The following THEMIS variants were observed in gnomAD, a reference collection of about 807,000 sequenced individuals.
THEMIS encodes the protein protein THEMIS.
A neutral mutation model predicts 52.6 loss-of-function variants in THEMIS; 37 were observed. The observed-to-expected ratio is 0.70, with a 90% confidence interval of 0.54 to 0.93. THEMIS has a LOEUF of 0.93. THEMIS is among the 40% of genes least tolerant of loss of function. THEMIS has a pLI of 0.00. For missense variants in THEMIS, 808 were observed against 763.1 expected, an observed-to-expected ratio of 1.06 and a Z score of -0.69; for synonymous variants, 292 against 272.7, an observed-to-expected ratio of 1.07 and a Z score of -0.70.
downstream of THEMIS, among the ~76,000 whole-genome samples, chr6:127,707,473 A>G (rs2114438839): frequency 6.6e-6 from 1 of 152,310 alleles, no homozygotes; most frequent in East Asian, 1.9e-4. Flanking sequence ...ATTGATAGGT[A>G]GCAAGGGCAG....
chr6:127,787,560 G>A (rs759232672), intron 4 of THEMIS, among the ~76,000 whole-genome samples: 17 of 152,278 alleles, frequency 1.1e-4, no homozygotes, highest in Non-Finnish European at 2.2e-4. Context: ...CTGAAAGTAT[G>A]TGTGTGTAAA....
At chr6:127,727,652 A>G (rs947997763) in intron 4 of THEMIS, among the ~76,000 whole-genome samples, 1 of 152,210 alleles carries the variant, frequency 6.6e-6, no homozygotes, top group African/African-American at 2.4e-5. Context: ...CTGTATTATT[A>G]TTTGAGCTAG....
Position 127,855,061 on chromosome 6 carries a change from T to C in THEMIS, c.219A>G (p.Leu73=), listed in dbSNP as rs1343672609. ...AATTCATAGGCAGTTCAAATGGCTGTAGAGACTCACAACCTTCAATCTGCT... is the reference window on the plus strand; with the variant it reads ...AATTCATAGGCAGTTCAAATGGCTGCAGAGACTCACAACCTTCAATCTGCT... The part of the protein sequence containing the change: ...ICEQIEGCES[L]QPFELPMNFP... The change falls in exon 2 of 6, where the codon CTA becomes CTG. Residue 73 remains leucine (L), a synonymous_variant. Transcript: ENST00000368248. 6.2e-7 allele frequency: 1 copy of C among 1,610,464 alleles called. No homozygotes were observed.
chr6:127,718,263 T>C (rs987442363), intron 5 of THEMIS, among the ~76,000 whole-genome samples: 8 of 151,896 alleles, frequency 5.3e-5, no homozygotes, highest in African/African-American at 1.9e-4. Context: ...TAAATGCATG[T>C]TAAAATCAAA....
intron 2 of THEMIS, among the ~76,000 whole-genome samples, chr6:127,838,409 T>C (rs1382253211): frequency 2.0e-5 from 3 of 152,106 alleles, no homozygotes; most frequent in Non-Finnish European, 2.9e-5. Flanking sequence ...TTCCTATTAG[T>C]GTTCTACTAG....
At chr6:127,723,427 C>G (rs543944404) in intron 4 of THEMIS, among the ~76,000 whole-genome samples, 2 of 152,044 alleles carry the variant, frequency 1.3e-5, no homozygotes, top group East Asian at 3.9e-4. Flanking sequence ...CCAAACATTG[C>G]GTGTCAAGAG....
At chr6:127,874,682 A>G (rs1394065682) in intron 1 of THEMIS, among the ~76,000 whole-genome samples, 1 of 152,242 alleles carries the variant, frequency 6.6e-6, no homozygotes, top group Admixed American at 6.5e-5. Context: ...ACACACAAAT[A>G]TTGACTCAAA....
At chr6:127,767,541 T>C (rs1039302627) in intron 4 of THEMIS, among the ~76,000 whole-genome samples, 9 of 152,202 alleles carry the variant, frequency 5.9e-5, no homozygotes, top group African/African-American at 2.2e-4. Context: ...ATCACTGTCT[T>C]CGACCTCCAC....
chr6:127,729,724 G>A (rs1774692017), intron 4 of THEMIS, among the ~76,000 whole-genome samples: 1 of 152,090 alleles, frequency 6.6e-6, no homozygotes, highest in South Asian at 2.1e-4. Context: ...TTTAACAAGA[G>A]CAATCCGCTT....
At chr6:127,895,797 G>A (rs1297466423) in intron 1 of THEMIS, among the ~76,000 whole-genome samples, 1 of 151,258 alleles carries the variant, frequency 6.6e-6, no homozygotes, top group African/African-American at 2.4e-5. Flanking sequence ...ATTTAAATAA[G>A]CGATAACACC....
Position 127,813,131 on chromosome 6 carries a change from T to C in THEMIS, c.1510A>G (p.Ile504Val), listed in dbSNP as rs766814190. 1 of 1,614,024 alleles carries C rather than the reference T, an allele frequency of 6.2e-7. No homozygotes were observed. Among genetic ancestry groups the C allele is most frequent in the African/African-American group, 1.3e-5 (1 of 74,900 alleles). ...GTCATATTCAAGCGGCCCACAGGAA[T>C]TTCCCAGCACTCCGTGGGGTTGGCA... Reference protein sequence around the residue: ...DFANPTECWEIPVGRLNMTVQ... With the variant: ...DFANPTECWEVPVGRLNMTVQ... The change falls in exon 4 of 6, where the codon ATT becomes GTT. Residue 504 changes from isoleucine (I) to valine (V), a missense_variant. Ile to Val is a conservative substitution (Grantham distance 29). Transcript: ENST00000368248.
In THEMIS at chr6:127,813,863, C is replaced by A; in HGVS notation, c.778G>T (p.Asp260Tyr). Residue 260 changes from aspartate to tyrosine, a missense_variant, in exon 4 of 6, where the codon GAT becomes TAT. Transcript: ENST00000368248. ...AACAGCTGAAGAAACCAGTTAGCAT[C>A]GTAAGAATCAGTGATGTCTTTGACT... ...VEVKDITDSY[D>Y]ANWFLQLLST... is the part of the protein sequence containing the mutation. 1.2e-6 allele frequency: 2 copies of A among 1,611,164 alleles called. No individual in the cohort carries two copies. Among genetic ancestry groups the A allele is most frequent in the African/African-American group, 2.7e-5 (2 of 74,778 alleles).
At chr6:127,902,344 A>AAAT, upstream of THEMIS, among the ~76,000 whole-genome samples, 1 of 149,996 alleles carries the variant, frequency 6.7e-6, no homozygotes, top group Middle Eastern at 3.4e-3. Context: ...AAAAAAAAAA[A>AAAT]ATAAAGAATA....
rs554588327 is a variant in THEMIS at position 127,812,879 on chromosome 6, T to G, written c.1758+4A>C. On this transcript the variant is annotated splice_donor_region_variant and intron_variant, in intron 4 of 5. Coordinates refer to ENST00000368248, the MANE Select transcript of THEMIS (RefSeq NM_001010923.3). ...GAGAAAACATTGCAAAACCATAGCC[T>G]TACCTTGGGAGACTTGGGCAGGTCT... is the stretch of plus-strand genomic sequence containing the variant. 7 of 1,584,150 alleles carry G rather than the reference T, an allele frequency of 4.4e-6. No homozygotes were observed. In the South Asian group the frequency reaches 7.0e-5, roughly 16 times the overall value.
intron 2 of THEMIS, among the ~76,000 whole-genome samples, chr6:127,854,570 T>C (rs1779536579): frequency 2.0e-5 from 3 of 151,700 alleles, no homozygotes; most frequent in African/African-American, 7.3e-5. Flanking sequence ...TAGAGTCAAT[T>C]AGATAAAAAA....
intron 4 of THEMIS, among the ~76,000 whole-genome samples, chr6:127,734,733 G>C (rs2114537412): frequency 6.6e-6 from 1 of 151,478 alleles, no homozygotes; most frequent in African/African-American, 2.4e-5. Context: ...AGCCGGGTGT[G>C]GTGGCACGCG....
At chr6:127,832,107 C>T (rs1355198203) in intron 2 of THEMIS, among the ~76,000 whole-genome samples, 4 of 152,098 alleles carry the variant, frequency 2.6e-5, no homozygotes, top group South Asian at 4.1e-4. Context: ...CTAGCTATAT[C>T]GATGACATAA....
At chr6:127,841,965 G>A (rs1337769730) in intron 2 of THEMIS, among the ~76,000 whole-genome samples, 3 of 152,028 alleles carry the variant, frequency 2.0e-5, no homozygotes, top group Admixed American at 2.0e-4. Flanking sequence ...CTTGGATAGC[G>A]AATTATCTAA....
intron 3 of THEMIS, among the ~76,000 whole-genome samples, chr6:127,817,559 A>G (rs1778179448): frequency 6.6e-6 from 1 of 152,222 alleles, no homozygotes. Context: ...AAAAAAGATT[A>G]GGCAAAATCA....
Sources: gnomAD v4.1 joint callset for allele counts (sites outside exome capture counted in the v4.1 genomes callset) on GRCh38, gnomAD v4.1.1 for gene constraint, MANE v1.5 for transcripts, NCBI Gene and HGNC (gene_info 2026-07-23, HGNC 2026-07-21) for gene names.